ADAMTS6: variants seen among roughly 807,000 people sequenced by gnomAD.
ADAMTS6 encodes A disintegrin and metalloproteinase with thrombospondin motifs 6.
In ADAMTS6, 23 loss-of-function variants were observed where a neutral mutation model predicts 144.3. The observed-to-expected ratio is 0.16, with a 90% CI of 0.11 to 0.23. The LOEUF is 0.23. Among genes scored for constraint, ADAMTS6 ranks in the 10% least tolerant of loss-of-function variants. ADAMTS6 has a pLI of 1.00. For missense variants in ADAMTS6, 999 were observed against 1,379.6 expected (o/e 0.72, Z 4.37); for synonymous variants, 444 against 457.5 (o/e 0.97, Z 0.38).
chr5:65,424,929 T>A (rs1397676230), intron 7 of ADAMTS6, among the ~76,000 whole-genome samples: 1 of 152,196 alleles, frequency 6.6e-6, no homozygotes, highest in Admixed American at 6.5e-5. Context: ...TTAATTCCGC[T>A]GTATAATTTT....
chr5:65,273,050 T>C (rs989055287), intron 12 of ADAMTS6, among the ~76,000 whole-genome samples: 6 of 152,144 alleles, frequency 3.9e-5, no homozygotes, highest in African/African-American at 1.4e-4. Context: ...GTAAACAGAC[T>C]ACATTACATA....
chr5:65,293,940 T>C (rs1419456063), intron 10 of ADAMTS6, among the ~76,000 whole-genome samples: 1 of 152,180 alleles, frequency 6.6e-6, no homozygotes, highest in East Asian at 1.9e-4. Context: ...GAAAACCATA[T>C]GGATCTTTAA....
At chr5:65,453,976 T>C (rs1758971796) in intron 4 of ADAMTS6, among the ~76,000 whole-genome samples, 2 of 152,218 alleles carry the variant, frequency 1.3e-5, no homozygotes, top group African/African-American at 4.8e-5. Context: ...GAAACAGTAT[T>C]AACAGCTGGG....
At chr5:65,170,374 A>G (rs1753541523) in intron 24 of ADAMTS6, among the ~76,000 whole-genome samples, 1 of 152,214 alleles carries the variant, frequency 6.6e-6, no homozygotes, top group African/African-American at 2.4e-5. Flanking sequence ...TATCTACTCC[A>G]ATTTCTTATT....
Position 65,256,985 on chromosome 5 carries a change from C to CTTT in ADAMTS6, c.1830+3612_1830+3614dup, listed in dbSNP as rs545846781. 9.8e-4 allele frequency among the ~76,000 whole-genome samples: 87 copies of CTTT among 88,674 alleles called. 1 individual carries two copies. The highest frequency in any genetic ancestry group is 3.3e-3 in the African/African-American group (58 of 17,468). 58.2% of individuals were successfully genotyped at this position (88,674 alleles called of 152,430 possible). ...TTTCTCTCTCTCTCTCTCTCTCTCTCTTTTTTTTTTTTTTTTTTTTTTTTG... is the reference window on the plus strand; with the variant it reads ...TTTCTCTCTCTCTCTCTCTCTCTCTCTTTTTTTTTTTTTTTTTTTTTTTTTTTG... On this transcript the variant is annotated intron_variant, in intron 14 of 24. Coordinates refer to ENST00000381055, the MANE Select transcript of ADAMTS6 (RefSeq NM_197941.4).
intron 7 of ADAMTS6, among the ~76,000 whole-genome samples, chr5:65,359,676 T>A (rs1749648177): frequency 6.6e-6 from 1 of 152,154 alleles, no homozygotes; most frequent in Admixed American, 6.6e-5. Flanking sequence ...GAAATACTAT[T>A]CAGCCTCAAA....
At chr5:65,458,950 T>A (rs1025094635) in intron 4 of ADAMTS6, among the ~76,000 whole-genome samples, 12 of 152,200 alleles carry the variant, frequency 7.9e-5, no homozygotes, top group Non-Finnish European at 1.6e-4. Flanking sequence ...GGTTGGGTAA[T>A]TCGTCCTATG....
At chr5:65,378,294 T>C (rs1019554997) in intron 7 of ADAMTS6, among the ~76,000 whole-genome samples, 2 of 152,196 alleles carry the variant, frequency 1.3e-5, no homozygotes, top group African/African-American at 4.8e-5. Context: ...TCTTCTCCCA[T>C]ACCTCTTGGA....
chr5:65,257,692 T>G (rs1245420974), intron 14 of ADAMTS6, among the ~76,000 whole-genome samples: 2 of 152,238 alleles, frequency 1.3e-5, no homozygotes, highest in Non-Finnish European at 2.9e-5. Flanking sequence ...GGCCTTGCAC[T>G]TAATTTTCCT....
chr5:65,397,818 A>G (rs1231510814), intron 7 of ADAMTS6, among the ~76,000 whole-genome samples: 1 of 150,206 alleles, frequency 6.7e-6, no homozygotes. Context: ...CAGAGGATGC[A>G]GTGAGCTATG....
intron 7 of ADAMTS6, among the ~76,000 whole-genome samples, chr5:65,379,654 A>C (rs786699): frequency 0.9 from 136,108 of 151,928 alleles, 61,539 homozygotes; most frequent in South Asian, 0.96. Context: ...GAAAACAGTG[A>C]CCCCGCTTTC....
intron 22 of ADAMTS6, among the ~76,000 whole-genome samples, chr5:65,182,914 C>G (rs1470103986): frequency 6.6e-6 from 1 of 152,158 alleles, no homozygotes; most frequent in Non-Finnish European, 1.5e-5. Context: ...AACTACATTG[C>G]TGTCACATTT....
intron 9 of ADAMTS6, among the ~76,000 whole-genome samples, chr5:65,317,618 G>C (rs866155852): frequency 2.0e-5 from 3 of 152,086 alleles, no homozygotes; most frequent in Non-Finnish European, 4.4e-5. Flanking sequence ...AAAGTGAAGA[G>C]ACAACCCACA....
intron 7 of ADAMTS6, among the ~76,000 whole-genome samples, chr5:65,404,369 G>C (rs1182035923): frequency 1.3e-5 from 2 of 151,872 alleles, no homozygotes; most frequent in African/African-American, 4.8e-5. Flanking sequence ...TGGTTCAATT[G>C]CCACCTATGA....
chr5:65,450,909 C>A (rs1758688417), intron 7 of ADAMTS6, among the ~76,000 whole-genome samples: 1 of 152,112 alleles, frequency 6.6e-6, no homozygotes, highest in African/African-American at 2.4e-5. Context: ...TGGGTTATCA[C>A]CAAATAATAA....
chr5:65,433,284 C>T (rs1028557220), intron 7 of ADAMTS6, among the ~76,000 whole-genome samples: 3 of 152,108 alleles, frequency 2.0e-5, no homozygotes, highest in Non-Finnish European at 4.4e-5. Flanking sequence ...ATTAATATGC[C>T]TCCTTACCAG....
intron 13 of ADAMTS6, 48 bp from the exon 14 acceptor site, chr5:65,260,711 TACAAAGAGTATATATATTACTTGATGAAA>T: frequency 7.1e-7 from 1 of 1,413,894 alleles, no homozygotes; most frequent in Non-Finnish European, 1.0e-6. Context: ...CATCTGTCCA[TACAAAGAGTATATATATTACTTGATGAAA>T]ACATACTAAA....
intron 7 of ADAMTS6, among the ~76,000 whole-genome samples, chr5:65,431,562 T>C (rs1299730687): frequency 6.6e-6 from 1 of 152,164 alleles, no homozygotes; most frequent in African/African-American, 2.4e-5. Context: ...AAAATACCAA[T>C]GTAAAACAAG....
intron 18 of ADAMTS6, among the ~76,000 whole-genome samples, chr5:65,220,354 A>C (rs1381640433): frequency 6.6e-6 from 1 of 152,230 alleles, no homozygotes; most frequent in African/African-American, 2.4e-5. Flanking sequence ...TAGCAGAAAA[A>C]AGATTTTTAA....
Sources: gnomAD v4.1 joint callset for allele counts (sites outside exome capture counted in the v4.1 genomes callset) on GRCh38, gnomAD v4.1.1 for gene constraint, MANE v1.5 for transcripts, NCBI Gene and HGNC (gene_info 2026-07-23, HGNC 2026-07-21) for gene names.